The following DLGAP2 variants were observed in gnomAD, a reference collection of about 807,000 sequenced individuals.
DLGAP2 encodes the protein DLG associated protein 2.
Under a neutral mutation model 100.3 loss-of-function variants are expected in DLGAP2, and 26 were observed. That is an observed-to-expected ratio of 0.26 (90% confidence interval 0.19 to 0.36). DLGAP2 has a LOEUF of 0.36. Ranked by LOEUF, DLGAP2 falls within the 10% of genes least tolerant of loss-of-function variation. DLGAP2 has a pLI of 1.00. For synonymous variants in DLGAP2, 886 were observed against 630.1 expected, an observed-to-expected ratio of 1.41 and a Z score of -6.08; for missense variants, 1,858 against 1,453.2, an observed-to-expected ratio of 1.28 and a Z score of -4.53.
At chr8:1,027,749 C>G (rs1801849415) in intron 2 of DLGAP2, among the ~76,000 whole-genome samples, 1 of 126,660 alleles carries the variant, frequency 7.9e-6, no homozygotes, top group Admixed American at 7.8e-5. Flanking sequence ...TGTCAGGCGC[C>G]CGTTATTCTC....
At chr8:1,409,346 C>A (rs1796664641) in intron 3 of DLGAP2, among the ~76,000 whole-genome samples, 1 of 152,154 alleles carries the variant, frequency 6.6e-6, no homozygotes, top group Non-Finnish European at 1.5e-5. Context: ...CCCCTTGGAC[C>A]ACTGCCCAAC....
chr8:1,425,848 C>T (rs2129955840), intron 3 of DLGAP2, among the ~76,000 whole-genome samples: 1 of 152,246 alleles, frequency 6.6e-6, no homozygotes, highest in Non-Finnish European at 1.5e-5. Context: ...AAGTTCAGTT[C>T]AGTGCCTGAG....
At chr8:1,069,304 G>C (rs1040972472) in intron 2 of DLGAP2, among the ~76,000 whole-genome samples, 2 of 152,148 alleles carry the variant, frequency 1.3e-5, no homozygotes, top group Admixed American at 1.3e-4. Flanking sequence ...CCCTGGACAG[G>C]TCGCGAGGAG....
At chr8:1,100,089 G>A (rs750311229) in intron 2 of DLGAP2, among the ~76,000 whole-genome samples, 36 of 152,360 alleles carry the variant, frequency 2.4e-4, no homozygotes, top group Admixed American at 5.9e-4. Context: ...CCCTGCCTGG[G>A]ACATGAATCA....
intron 2 of DLGAP2, among the ~76,000 whole-genome samples, chr8:934,464 G>A (rs1006202504): frequency 6.6e-6 from 1 of 152,230 alleles, no homozygotes; most frequent in Admixed American, 6.5e-5. Context: ...GCTCCATTGA[G>A]TGGGACCTGC....
At chr8:1,316,506 G>C in intron 3 of DLGAP2, among the ~76,000 whole-genome samples, 1 of 130,266 alleles carries the variant, frequency 7.7e-6, no homozygotes. Flanking sequence ...CTCTCCAACA[G>C]TGGTCTACAC....
chr8:1,480,147 C>G (rs1372714893), intron 3 of DLGAP2, among the ~76,000 whole-genome samples: 1 of 152,192 alleles, frequency 6.6e-6, no homozygotes, highest in South Asian at 2.1e-4. Context: ...GGCAGAGAGC[C>G]TTTAACCACC....
At chr8:1,418,414 G>C (rs1432166314) in intron 3 of DLGAP2, among the ~76,000 whole-genome samples, 3 of 152,180 alleles carry the variant, frequency 2.0e-5, no homozygotes, top group Non-Finnish European at 4.4e-5. Context: ...ATTCTGGCAT[G>C]TTTTTAAAAA....
chr8:1,189,355 A>G (rs1447229457), intron 2 of DLGAP2, among the ~76,000 whole-genome samples: 1 of 152,258 alleles, frequency 6.6e-6, no homozygotes, highest in Non-Finnish European at 1.5e-5. Context: ...CAGCAGGAAG[A>G]TAGGTCAACC....
At chr8:1,271,953 GGT>G (rs1270911331) in intron 3 of DLGAP2, among the ~76,000 whole-genome samples, 1 of 152,110 alleles carries the variant, frequency 6.6e-6, no homozygotes, top group East Asian at 1.9e-4. Flanking sequence ...TGGGACTACA[GGT>G]GTGTGCCAAC....
intron 1 of DLGAP2, among the ~76,000 whole-genome samples, chr8:900,448 G>C (rs1364222818): frequency 6.6e-6 from 1 of 152,242 alleles, no homozygotes; most frequent in Non-Finnish European, 1.5e-5. Context: ...TCTCACTCCT[G>C]GTGTTCATTT....
At chr8:1,093,791 A>G (rs1301409775) in intron 2 of DLGAP2, among the ~76,000 whole-genome samples, 1 of 152,256 alleles carries the variant, frequency 6.6e-6, no homozygotes, top group East Asian at 1.9e-4. Flanking sequence ...AATACACGAC[A>G]TCAGCCATCA....
chr8:1,186,403 G>C (rs913177579), intron 2 of DLGAP2, among the ~76,000 whole-genome samples: 4 of 152,214 alleles, frequency 2.6e-5, no homozygotes, highest in African/African-American at 7.2e-5. Context: ...AGAAACGGGT[G>C]GGGGACAGTT....
intron 3 of DLGAP2, among the ~76,000 whole-genome samples, chr8:1,308,113 G>T (rs1409505522): frequency 6.6e-6 from 1 of 152,222 alleles, no homozygotes; most frequent in Admixed American, 6.5e-5. Flanking sequence ...AGGAAGACCT[G>T]CAGCTTTCAC....
intron 3 of DLGAP2, among the ~76,000 whole-genome samples, chr8:1,457,286 C>A (rs560856153): frequency 1.3e-5 from 2 of 152,134 alleles, no homozygotes; most frequent in African/African-American, 4.8e-5. Context: ...TCGACGTGTT[C>A]GATGGCTGGC....
chr8:907,347 A>G (rs1365002570), intron 1 of DLGAP2, among the ~76,000 whole-genome samples: 1 of 152,212 alleles, frequency 6.6e-6, no homozygotes, highest in Non-Finnish European at 1.5e-5. Flanking sequence ...ATGTTGCTGA[A>G]TCTTGGGAAA....
chr8:1,124,382 A>G (rs529767984), intron 2 of DLGAP2, among the ~76,000 whole-genome samples: 1 of 152,322 alleles, frequency 6.6e-6, no homozygotes, highest in Non-Finnish European at 1.5e-5. Flanking sequence ...AGCTGAGTCC[A>G]GGGCCCAGAA....
At chr8:760,850 T>C (rs1821062173) in intron 1 of DLGAP2, among the ~76,000 whole-genome samples, 1 of 152,138 alleles carries the variant, frequency 6.6e-6, no homozygotes. Context: ...TGGGGTTTGC[T>C]CTTCTCCTCA....
chr8:1,697,339 C>G, intron 14 of DLGAP2, 40 bp downstream of exon 14: 1 of 1,551,524 alleles, frequency 6.4e-7, no homozygotes, highest in Non-Finnish European at 8.7e-7. Flanking sequence ...AGCAAACCCC[C>G]TTTCTCACTG....
Sources: allele counts gnomAD v4.1 joint callset (sites outside exome capture counted in the v4.1 genomes callset), GRCh38; gene constraint gnomAD v4.1.1; transcripts MANE v1.5; gene names NCBI Gene and HGNC (gene_info 2026-07-23, HGNC 2026-07-21).